Variants in OTUD4 observed in about 807,000 individuals in gnomAD.
OTUD4 encodes OTU domain-containing protein 4.
In OTUD4, 24 loss-of-function variants were observed where a neutral mutation model predicts 130.4. That is an observed-to-expected ratio of 0.18 (90% CI 0.13 to 0.26). OTUD4 has a LOEUF of 0.26. OTUD4 is among the 10% of genes least tolerant of loss of function. OTUD4 has a pLI of 1.00. For missense variants in OTUD4, 1,031 were observed against 1,329.4 expected (o/e 0.78, Z 3.49); for synonymous variants, 420 against 472.5 (o/e 0.89, Z 1.44).
rs372593092 is a variant in OTUD4, at chr4:145,155,610, T to C, written c.767A>G (p.Tyr256Cys). 5.0e-5 allele frequency: 80 copies of C among 1,612,768 alleles called. No homozygotes were observed. Among genetic ancestry groups the C allele is most frequent in the African/African-American group, 2.9e-4 (22 of 74,880 alleles). Residue 256 changes from tyrosine to cysteine, a missense_variant, in exon 9 of 21, where the codon TAT becomes TGT. Coordinates refer to ENST00000447906, the MANE Select transcript of OTUD4 (RefSeq NM_001366057.1). ...CCAAATTTCATATTCCACATTTCTA[T>C]AGACTGCAGGATTGAGTGACTTAAG... The part of the protein sequence containing the change: ...KVLKSLNPAV[Y>C]RNVEYEIWLK...
At chr4:145,173,665 T>C (rs1752286770) in intron 2 of OTUD4, among the ~76,000 whole-genome samples, 1 of 152,164 alleles carries the variant, frequency 6.6e-6, no homozygotes, top group South Asian at 2.1e-4. Flanking sequence ...CAAAGTATTA[T>C]ATCAACATTC....
rs758344812 is a variant in OTUD4 at position 145,146,350 on chromosome 4, G to A, written c.1339C>T (p.Arg447Cys). The change falls in exon 14 of 21, where the codon CGC becomes TGC. Residue 447 changes from arginine to cysteine, a missense_variant. Coordinates refer to ENST00000447906, the MANE Select transcript of OTUD4 (RefSeq NM_001366057.1). The part of the protein sequence containing the change: ...SNYFGLSPEE[R>C]REKQAIEESR... ...TCTTCTATAGCTTGCTTCTCTCTGC[G>A]CTCTTCTGGGGAAAGGCCGAAATAG... is the stretch of plus-strand genomic sequence containing the variant. 2.6e-5 allele frequency: 42 copies of A among 1,596,030 alleles called. No homozygotes were observed. The highest frequency in any genetic ancestry group is 3.3e-5 in the Non-Finnish European group (39 of 1,173,226).
chr4:145,162,929 A>G (rs765862343), intron 5 of OTUD4, among the ~76,000 whole-genome samples: 4 of 152,234 alleles, frequency 2.6e-5, no homozygotes, highest in Non-Finnish European at 4.4e-5. Context: ...AAAATTCAAA[A>G]TGATTTCTGG....
Position 145,134,586 on chromosome 4 carries a change from T to C in OTUD4, c.*2844A>G, listed in dbSNP as rs922459968. 1 of 397,416 alleles carries C rather than the reference T, an allele frequency of 2.5e-6. No homozygotes were observed. The highest frequency in any genetic ancestry group is 4.4e-6 in the Non-Finnish European group (1 of 225,648). 24.6% of individuals were successfully genotyped at this position (397,416 alleles called of 1,614,324 possible). ...AATACAGTCTGCATTAAATAAGATATATCAGCATTGTGGTCTGGGAAAACC... is the reference window on the plus strand; with the variant it reads ...AATACAGTCTGCATTAAATAAGATACATCAGCATTGTGGTCTGGGAAAACC... On this transcript the variant is annotated 3_prime_UTR_variant, in exon 21 of 21. Transcript: ENST00000447906.
chr4:145,174,075 C>T (rs1413967638), intron 2 of OTUD4, among the ~76,000 whole-genome samples: 1 of 149,796 alleles, frequency 6.7e-6, no homozygotes. Flanking sequence ...CGGCGCAACT[C>T]GGCTCACTGC....
chr4:145,140,137 G>A (rs529469353), intron 19 of OTUD4, 146 bp from the exon 20 acceptor site: 55 of 348,680 alleles, frequency 1.6e-4, no homozygotes, highest in African/African-American at 1.2e-3. Flanking sequence ...GATAAAAACT[G>A]TAATATAACA....
At chr4:145,143,259 C>A in intron 17 of OTUD4, 106 bp downstream of exon 17, 1 of 588,180 alleles carries the variant, frequency 1.7e-6, no homozygotes, top group Non-Finnish European at 2.9e-6. Context: ...AGAAAAAATT[C>A]TCCCATTTCC....
intron 1 of OTUD4, among the ~76,000 whole-genome samples, chr4:145,177,313 C>A (rs575397887): frequency 6.6e-6 from 1 of 152,336 alleles, no homozygotes; most frequent in Non-Finnish European, 1.5e-5. Context: ...TGGTTCTTCT[C>A]TTTTAACAAA....
rs914640283 is a variant in OTUD4, at chr4:145,179,647, G to C, written c.159+168C>G. 6.4e-6 allele frequency: 9 copies of C among 1,398,492 alleles called. No individual in the cohort carries two copies. The Admixed American group carries it at 2.3e-4, about 36-fold the overall frequency. The allele number at this position is 1,398,492 out of a possible 1,614,324, so 86.6% of individuals were successfully genotyped here. ...GAGTTTCAATTTGCACCTTTCAGAC[G>C]CAAAGCAGCGTCCCACTCCGGCGTT... On this transcript the variant is annotated intron_variant, in intron 1 of 20. Transcript: ENST00000447906.
intron 3 of OTUD4, among the ~76,000 whole-genome samples, chr4:145,170,269 T>A (rs1489225277): frequency 6.6e-6 from 1 of 152,228 alleles, no homozygotes; most frequent in Non-Finnish European, 1.5e-5. Context: ...TCCAAACCAC[T>A]GACCCTAACA....
In OTUD4 at chr4:145,175,545, A is replaced by G. The variant is rs1752375965; in HGVS notation, c.160-801T>C. Among the ~76,000 whole-genome samples, 3 of 151,132 alleles carry G rather than the reference A, an allele frequency of 2.0e-5. No individual in the cohort carries two copies. The South Asian group carries it at 6.3e-4, about 32-fold the overall frequency. The stretch of plus-strand genomic sequence containing the variant: ...TCTAAAGCTGTGAATTGAAACAACT[A>G]TTTCTTTTTTTTTTTTTGAGACGGA... On this transcript the variant is annotated intron_variant, in intron 1 of 20. Coordinates refer to ENST00000447906, the MANE Select transcript of OTUD4 (RefSeq NM_001366057.1).
In OTUD4 at chr4:145,155,560, T is replaced by G; in HGVS notation, c.808+9A>C. On this transcript the variant is annotated intron_variant, in intron 9 of 20. Coordinates refer to ENST00000447906, the MANE Select transcript of OTUD4 (RefSeq NM_001366057.1). ...GCAAATTTATGGAAAATGCAGATTT[T>G]TAACTCACCTTGTTTAGACTTCAGC... 6.2e-7 allele frequency: 1 copy of G among 1,604,042 alleles called. No individual in the cohort carries two copies. The highest frequency in any genetic ancestry group is 2.2e-5 in the East Asian group (1 of 44,750).
intron 5 of OTUD4, among the ~76,000 whole-genome samples, chr4:145,163,372 G>A (rs948652087): frequency 6.6e-6 from 1 of 152,140 alleles, no homozygotes; most frequent in African/African-American, 2.4e-5. Flanking sequence ...TAAGTCAGTT[G>A]ATCTTTCTTT....
intron 20 of OTUD4, among the ~76,000 whole-genome samples, chr4:145,139,668 A>G (rs1750462152): frequency 6.6e-6 from 1 of 152,214 alleles, no homozygotes; most frequent in African/African-American, 2.4e-5. Flanking sequence ...ACATCTAATT[A>G]TTCCCCAGCA....
chr4:145,144,416 A>T lies in OTUD4; in HGVS notation c.1441T>A (p.Ser481Thr), dbSNP rs775034922. Reference sequence around the variant, plus strand: ...CATGGATTGCTACTCTGAGAAGCTGACTGATTGACTGATGAGCTCTTTAAA... The same window carrying T: ...CATGGATTGCTACTCTGAGAAGCTGTCTGATTGACTGATGAGCTCTTTAAA... Reference protein sequence around the residue: ...PALSSSSVNQSASQSSNPCVQ... With the variant: ...PALSSSSVNQTASQSSNPCVQ... The change falls in exon 15 of 21, where the codon TCA becomes ACA. Residue 481 changes from serine to threonine, a missense_variant. Ser to Thr is a moderately conservative substitution (Grantham distance 58, BLOSUM62 1). This residue lies in a region of OTUD4 where 900 missense variants were observed against 1,095.9 expected (regional missense o/e 0.82). Coordinates refer to ENST00000447906, the MANE Select transcript of OTUD4 (RefSeq NM_001366057.1). 1 of 1,611,292 alleles carries T rather than the reference A, an allele frequency of 6.2e-7. No homozygotes were observed. The highest frequency in any genetic ancestry group is 8.5e-7 in the Non-Finnish European group (1 of 1,178,774).
At chr4:145,175,097 C>T (rs138206441) in intron 1 of OTUD4, among the ~76,000 whole-genome samples, 222 of 152,338 alleles carry the variant, frequency 1.5e-3, no homozygotes, top group African/African-American at 5.1e-3. Flanking sequence ...TGCTACGCCA[C>T]GCTCAACTTC....
chr4:145,158,239 T>C (rs1751387403), intron 7 of OTUD4, among the ~76,000 whole-genome samples: 1 of 152,134 alleles, frequency 6.6e-6, no homozygotes, highest in Admixed American at 6.5e-5. Context: ...ATCCCAGCAC[T>C]TTGGGAGGCC....
chr4:145,157,926 A>G (rs1468963702), intron 7 of OTUD4, among the ~76,000 whole-genome samples: 1 of 152,092 alleles, frequency 6.6e-6, no homozygotes, highest in East Asian at 1.9e-4. Flanking sequence ...ACAGCAACCA[A>G]AGGGCATGTT....
intron 10 of OTUD4, among the ~76,000 whole-genome samples, chr4:145,154,916 A>T (rs1223807425): frequency 1.3e-5 from 2 of 152,226 alleles, no homozygotes; most frequent in Non-Finnish European, 2.9e-5. Flanking sequence ...TTTTTCCTTT[A>T]ACAATCAGCT....
Sources: gnomAD v4.1 joint callset for allele counts (sites outside exome capture counted in the v4.1 genomes callset) on GRCh38, gnomAD v4.1.1 for gene constraint, gnomAD v4.1.1 regional missense constraint, MANE v1.5 for transcripts, NCBI Gene and HGNC (gene_info 2026-07-23, HGNC 2026-07-21) for gene names.